Variants in CSNK2A1 observed in about 807,000 individuals in gnomAD.
CSNK2A1 encodes the protein casein kinase II subunit alpha.
In CSNK2A1, 10 loss-of-function variants were observed where a neutral mutation model predicts 62.9. That is an observed-to-expected ratio of 0.16 (90% CI 0.10 to 0.27). CSNK2A1 has a LOEUF of 0.27. Ranked by LOEUF, CSNK2A1 falls within the 10% of genes least tolerant of loss-of-function variation. CSNK2A1 has a pLI of 1.00. For synonymous variants in CSNK2A1, 124 were observed against 167.8 expected (o/e 0.74, Z 2.02); for missense variants, 160 against 492.0 (o/e 0.33, Z 6.38).
rs571001926 is a variant in CSNK2A1 at position 518,695 on chromosome 20, C to T, written c.-110+9238G>A. On this transcript the variant is annotated intron_variant, in intron 2 of 13. Transcript: ENST00000217244. ...CCGAGTAGCTGGGACTACAGGAGTC[C>T]GCCACCACGCCCGGCTAATTTTTTT... is the stretch of plus-strand genomic sequence containing the variant. Among the ~76,000 whole-genome samples, 6 of 144,752 alleles carry T rather than the reference C, an allele frequency of 4.1e-5. No homozygotes were observed. In the East Asian group the frequency reaches 6.3e-4, roughly 15 times the overall value. 95.0% of individuals were successfully genotyped at this position (144,752 alleles called of 152,430 possible). A position where few individuals can be genotyped will look rare whatever the true frequency, so the allele number is the denominator to read the frequency against.
chr20:494,725 T>G (rs1411508244), intron 8 of CSNK2A1: 1 of 152,280 alleles, frequency 6.6e-6, no homozygotes, highest in Non-Finnish European at 1.5e-5. Flanking sequence ...GATTTGGTTT[T>G]ACCTCTTTGA....
chr20:520,233 T>C (rs773566832), intron 2 of CSNK2A1, among the ~76,000 whole-genome samples: 5 of 152,074 alleles, frequency 3.3e-5, no homozygotes, highest in African/African-American at 4.8e-5. Context: ...CATATCAGAC[T>C]GGATTAAAAA....
In CSNK2A1 at chr20:508,611, T is replaced by C. The variant is rs1286029062; in HGVS notation, c.-60A>G. 1.3e-6 allele frequency: 2 copies of C among 1,548,782 alleles called. No homozygotes were observed. Among genetic ancestry groups the C allele is most frequent in the Admixed American group, 1.7e-5 (1 of 57,348 alleles). ...GTTTGGAGATCTGGCAGTCACTGTG[T>C]TCAGAAGCAGCTGGGGGTAAGACCT... is the stretch of plus-strand genomic sequence containing the variant. On this transcript the variant is annotated 5_prime_UTR_variant, in exon 3 of 14. Transcript: ENST00000217244.
intron 1 of CSNK2A1, among the ~76,000 whole-genome samples, chr20:532,204 G>A (rs1039555720): frequency 1.2e-4 from 18 of 150,476 alleles, no homozygotes; most frequent in African/African-American, 3.9e-4. Flanking sequence ...TCGCTCTGTC[G>A]CCAGGCCTGG....
Position 503,669 on chromosome 20 carries a change from A to G in CSNK2A1, c.213+1449T>C, listed in dbSNP as rs768292992. 1.4e-4 allele frequency: 55 copies of G among 398,648 alleles called. No homozygotes were observed. The highest frequency in any genetic ancestry group is 1.3e-3 in the Middle Eastern group (2 of 1,588). The allele number at this position is 398,648 out of a possible 1,614,324, so 24.7% of individuals were successfully genotyped here. ...CATATTTTTGTGAAGCTGGGTTTGCAGTAGTTGCTGTGGTAAAAAGCAAGT... is the reference window on the plus strand; with the variant it reads ...CATATTTTTGTGAAGCTGGGTTTGCGGTAGTTGCTGTGGTAAAAAGCAAGT... On this transcript the variant is annotated intron_variant, in intron 4 of 13. Coordinates refer to ENST00000217244, the MANE Select transcript of CSNK2A1 (RefSeq NM_177559.3).
chr20:541,744 C>CT (rs768836090), intron 1 of CSNK2A1, among the ~76,000 whole-genome samples: 14 of 152,112 alleles, frequency 9.2e-5, no homozygotes, highest in East Asian at 3.9e-4. Context: ...CATAACTAGG[C>CT]TTTTTTTTAT....
At chr20:508,742 G>T in intron 2 of CSNK2A1, 82 bp from the exon 3 acceptor site, 2 of 544,446 alleles carry the variant, frequency 3.7e-6, no homozygotes, top group Non-Finnish European at 6.5e-6. Context: ...AATAATAATG[G>T]CCTGAAATAT....
chr20:479,770 A>G lies in CSNK2A1; in HGVS notation c.*4191T>C, dbSNP rs2017918261. ...TATGTTTTACTTGGAGAATAGTCTG[A>G]ATTTCGTATTACACGTTGAGCATTT... On this transcript the variant is annotated 3_prime_UTR_variant, in exon 14 of 14. Transcript: ENST00000217244. 1.3e-5 allele frequency: 2 copies of G among 152,226 alleles called. No homozygotes were observed. Among genetic ancestry groups the G allele is most frequent in the African/African-American group, 4.8e-5 (2 of 41,462 alleles). The allele number at this position is 152,226 out of a possible 1,614,324, so 9.4% of individuals were successfully genotyped here. A position where few individuals can be genotyped will look rare whatever the true frequency, so the allele number is the denominator to read the frequency against.
chr20:498,011 A>C, intron 6 of CSNK2A1: 1 of 445,022 alleles, frequency 2.2e-6, no homozygotes, highest in South Asian at 2.4e-5. Flanking sequence ...GCTATAATCC[A>C]CTGTCAGAAA....
In CSNK2A1 at chr20:505,199, T is replaced by C. The variant is rs112149740; in HGVS notation, c.132A>G (p.Lys44=). ...GNQDDYQLVR[K]LGRGKYSEVF... ...CTTCACTGTATTTACCTCGGCCTAA[T>C]TTTCGAACCAGCTGGTAGTCATCTT... The change falls in exon 4 of 14, where the codon AAA becomes AAG. Residue 44 remains lysine (K), a synonymous_variant. Transcript: ENST00000217244. The C allele has an allele frequency of 2.2e-4, 349 of 1,613,794 alleles. 3 individuals are homozygous for C. In the African/African-American group the frequency reaches 3.3e-3, roughly 15 times the overall value.
intron 13 of CSNK2A1, among the ~76,000 whole-genome samples, chr20:484,884 T>C (rs747761599): frequency 9.3e-5 from 14 of 150,758 alleles, no homozygotes; most frequent in Non-Finnish European, 8.9e-5. Context: ...CTGGCCAACA[T>C]GGTGAAACCC....
chr20:538,222 C>T (rs1411054468), intron 1 of CSNK2A1, among the ~76,000 whole-genome samples: 1 of 152,178 alleles, frequency 6.6e-6, no homozygotes, highest in Non-Finnish European at 1.5e-5. Context: ...ACTGGGATTA[C>T]AGGTGTGAGC....
At position 483,316 on chromosome 20, in the gene CSNK2A1, T is replaced by A. The variant is rs1008551931; in HGVS notation, c.*645A>T. The A allele has an allele frequency of 6.6e-6, 1 of 152,170 alleles. No homozygotes were observed. The highest frequency in any genetic ancestry group is 2.4e-5 in the African/African-American group (1 of 41,434). The allele number at this position is 152,170 out of a possible 1,614,324, so 9.4% of individuals were successfully genotyped here. A position where few individuals can be genotyped will look rare whatever the true frequency, so the allele number is the denominator to read the frequency against. ...ATTCTTACTGAACAGAAGTTTTTAG[T>A]ATCTGTCTGCATTTTGGGTAGATTT... On this transcript the variant is annotated 3_prime_UTR_variant, in exon 14 of 14. Transcript: ENST00000217244.
rs2018419868 is a variant in CSNK2A1 at position 499,759 on chromosome 20, A to C, written c.315+74T>G. 2.8e-6 allele frequency: 4 copies of C among 1,432,126 alleles called. No homozygotes were observed. Among genetic ancestry groups the C allele is most frequent in the Admixed American group, 3.5e-5 (2 of 57,862 alleles). The allele number at this position is 1,432,126 out of a possible 1,614,324, so 88.7% of individuals were successfully genotyped here. On this transcript the variant is annotated intron_variant, in intron 5 of 13. Coordinates refer to ENST00000217244, the MANE Select transcript of CSNK2A1 (RefSeq NM_177559.3). This position sits in a 1 kb window ranked among gnomAD's most constrained non-coding sequence, Gnocchi z 4.2. ...TGATGAGGGTTGGGGGAGGGAACAA[A>C]AAGAGGCCAGTTGTGCTCCAGGTCA...
intron 1 of CSNK2A1, among the ~76,000 whole-genome samples, chr20:540,636 G>A (rs533595771): frequency 3.9e-5 from 6 of 152,254 alleles, no homozygotes; most frequent in African/African-American, 1.4e-4. Context: ...CTGGGCTCAA[G>A]CGATCCTCCT....
chr20:498,335 CTTTTTTTTTTTTT>C (rs11477158), intron 6 of CSNK2A1: 2 of 119,668 alleles, frequency 1.7e-5, no homozygotes, highest in African/African-American at 6.4e-5. Flanking sequence ...ATGGACATAT[CTTTTTTTTTTTTT>C]TTTTTTTTTG....
At position 479,208 on chromosome 20, in the gene CSNK2A1, G is replaced by C. The variant is rs2017908301; in HGVS notation, c.*4753C>G. The C allele has an allele frequency of 6.6e-6, 1 of 152,238 alleles. No individual in the cohort carries two copies. The highest frequency in any genetic ancestry group is 1.5e-5 in the Non-Finnish European group (1 of 68,092). The allele number at this position is 152,238 out of a possible 1,614,324, so 9.4% of individuals were successfully genotyped here. ...ACATCTATGGCCTCCCTATAATGTA[G>C]CATCCTTTTACTGTACATAGTCTGC... On this transcript the variant is annotated 3_prime_UTR_variant, in exon 14 of 14. Coordinates refer to ENST00000217244, the MANE Select transcript of CSNK2A1 (RefSeq NM_177559.3).
At chr20:503,308 C>T (rs1368148172) in intron 4 of CSNK2A1, 1 of 393,394 alleles carries the variant, frequency 2.5e-6, no homozygotes, top group African/African-American at 2.1e-5. Flanking sequence ...CCATGCTCAG[C>T]CAACATTCTT....
intron 1 of CSNK2A1, among the ~76,000 whole-genome samples, chr20:530,123 A>G (rs999626817): frequency 1.3e-5 from 2 of 152,132 alleles, no homozygotes; most frequent in Non-Finnish European, 2.9e-5. Context: ...TCGCCCCAAA[A>G]AGAAACCCAG....
Sources: allele counts gnomAD v4.1 joint callset (sites outside exome capture counted in the v4.1 genomes callset), GRCh38; gene constraint gnomAD v4.1.1; non-coding constraint Gnocchi (gnomAD v3.1); transcripts MANE v1.5; gene names NCBI Gene and HGNC (gene_info 2026-07-23, HGNC 2026-07-21).